ZNF362: variants seen among roughly 807,000 people sequenced by gnomAD.
The protein encoded by ZNF362 is zinc finger protein 362.
ZNF362 carries 11 observed loss-of-function variants against 42.9 expected under a neutral mutation model. That is an observed-to-expected ratio of 0.26 (90% CI 0.16 to 0.42). ZNF362 has a LOEUF of 0.42. Among genes scored for constraint, ZNF362 ranks in the 20% least tolerant of loss-of-function variants. The probability of loss-of-function intolerance (pLI) is 1.00; values close to 1 mark genes in which losing one functional copy is unlikely to be tolerated. For missense variants in ZNF362, 362 were observed against 576.2 expected (o/e 0.63, Z 3.81); for synonymous variants, 255 against 257.3 (o/e 0.99, Z 0.09).
intron 8 of ZNF362, 30 bp downstream of exon 8, chr1:33,295,335 C>G (rs368956786): frequency 5.6e-6 from 9 of 1,605,558 alleles, no homozygotes; most frequent in East Asian, 2.2e-5. Flanking sequence ...TGCCCTGCCC[C>G]GGGGGAGCCA....
At chr1:33,236,474 C>T in the ZNF362 span, among the ~76,000 whole-genome samples, 8 of 135,692 alleles carry the variant, frequency 5.9e-5, no homozygotes, top group Admixed American at 2.3e-4. Flanking sequence ...TGCTTGAACC[C>T]GGGAGTTCAA....
chr1:33,196,912 T>A, the ZNF362 span, among the ~76,000 whole-genome samples: 1 of 152,182 alleles, frequency 6.6e-6, no homozygotes, highest in African/African-American at 2.4e-5. Flanking sequence ...TTTCTGGGTG[T>A]GCCTGTGAGT....
the ZNF362 span, chr1:33,147,291 G>A: frequency 1.9e-6 from 3 of 1,614,068 alleles, no homozygotes; most frequent in African/African-American, 2.7e-5. The surrounding 1 kb of genome is among the most constrained non-coding windows in gnomAD (Gnocchi z 8.1). Context: ...GGAAGGTGTA[G>A]AGCCAGGACA....
In ZNF362 at chr1:33,294,969, C is replaced by T; in HGVS notation, c.941C>T (p.Pro314Leu). The T allele has an allele frequency of 6.2e-7, 1 of 1,614,132 alleles. No individual in the cohort carries two copies. The highest frequency in any genetic ancestry group is 1.1e-5 in the South Asian group (1 of 91,078). ...IHTGDRPYKCPHPGCEKAFTQ... is the reference protein window; with the variant it reads ...IHTGDRPYKCLHPGCEKAFTQ... ...ACAGGCGACAGACCCTACAAGTGCC[C>T]ACATCCTGGCTGCGAGAAGGCTTTC... Residue 314 changes from proline to leucine, a missense_variant, in exon 7 of 9, where the codon CCA (proline) becomes CTA (leucine). This residue lies in a region of ZNF362 where 28 missense variants were observed against 103.4 expected (regional missense o/e 0.27). Transcript: ENST00000539719. This position sits in a 1 kb window ranked among gnomAD's most constrained non-coding sequence, Gnocchi z 4.2.
chr1:33,243,098 C>T, the ZNF362 span, among the ~76,000 whole-genome samples: 1 of 142,424 alleles, frequency 7.0e-6, no homozygotes, highest in Non-Finnish European at 1.5e-5. Flanking sequence ...ACCAAATCAC[C>T]ACAACTGTTA....
At chr1:33,136,182 C>T in the ZNF362 span, among the ~76,000 whole-genome samples, 1 of 149,260 alleles carries the variant, frequency 6.7e-6, no homozygotes, top group African/African-American at 2.5e-5. Flanking sequence ...TTCCCTCCCT[C>T]TCTCCCTCCC....
chr1:33,131,957 C>T, the ZNF362 span, among the ~76,000 whole-genome samples: 3 of 152,192 alleles, frequency 2.0e-5, 1 homozygote, highest in Admixed American at 2.0e-4. Context: ...TTGCAAGGGC[C>T]TTCTGAATCA....
chr1:33,157,771 T>G, the ZNF362 span, among the ~76,000 whole-genome samples: 4 of 152,000 alleles, frequency 2.6e-5, no homozygotes, highest in African/African-American at 7.3e-5. Context: ...CTTCCTTTTT[T>G]TCCGAGATGG....
At chr1:33,243,893 T>C in the ZNF362 span, among the ~76,000 whole-genome samples, 1 of 151,866 alleles carries the variant, frequency 6.6e-6, no homozygotes, top group African/African-American at 2.4e-5. Flanking sequence ...ATTACAGGCG[T>C]GAGCTACTGT....
At chr1:33,255,755 A>C (rs554210911), upstream of ZNF362, among the ~76,000 whole-genome samples, 69 of 151,164 alleles carry the variant, frequency 4.6e-4, no homozygotes, top group African/African-American at 1.5e-3. Flanking sequence ...TCTACTCCCC[A>C]CCCCTATGTC....
At chr1:33,168,680 G>T in the ZNF362 span, among the ~76,000 whole-genome samples, 1 of 152,222 alleles carries the variant, frequency 6.6e-6, no homozygotes, top group African/African-American at 2.4e-5. Flanking sequence ...CAGCTTGAGC[G>T]GATACAGTCC....
chr1:33,195,849 A>T, the ZNF362 span: 2 of 152,122 alleles, frequency 1.3e-5, no homozygotes, highest in African/African-American at 4.8e-5. Flanking sequence ...CTAAATTTAT[A>T]AAAAAATTTT....
chr1:33,262,631 G>T (rs936537022), intron 1 of ZNF362, among the ~76,000 whole-genome samples: 4 of 152,186 alleles, frequency 2.6e-5, no homozygotes, highest in African/African-American at 9.7e-5. Flanking sequence ...TGAGGGGACA[G>T]TCTAGGCAGC....
chr1:33,249,221 C>T, the ZNF362 span, among the ~76,000 whole-genome samples: 487 of 152,246 alleles, frequency 3.2e-3, 17 homozygotes, highest in East Asian at 0.083. Flanking sequence ...TTGGGGAGCA[C>T]ATTCTGAGAG....
At chr1:33,257,320 GA>G (rs55688188) in intron 1 of ZNF362, among the ~76,000 whole-genome samples, 5,322 of 141,668 alleles carry the variant, frequency 0.038, 110 homozygotes, top group African/African-American at 0.064. Flanking sequence ...GCACTTTAAA[GA>G]AAAAAAAAAA....
At chr1:33,166,868 A>G in the ZNF362 span, among the ~76,000 whole-genome samples, 2 of 152,194 alleles carry the variant, frequency 1.3e-5, no homozygotes, top group African/African-American at 2.4e-5. Context: ...CTTGTTTGAA[A>G]TGTTGAATTT....
At chr1:33,256,982 C>A (rs60163719) in intron 1 of ZNF362, among the ~76,000 whole-genome samples, 1 of 152,042 alleles carries the variant, frequency 6.6e-6, no homozygotes, top group Non-Finnish European at 1.5e-5. Context: ...TGCTGCAATT[C>A]TCCGGTAAAC....
At chr1:33,202,639 T>C in the ZNF362 span, among the ~76,000 whole-genome samples, 1 of 150,598 alleles carries the variant, frequency 6.6e-6, no homozygotes. Flanking sequence ...AAGGATACTA[T>C]GCCTCGGGAA....
At chr1:33,259,215 C>G (rs924411728) in intron 1 of ZNF362, among the ~76,000 whole-genome samples, 1 of 152,326 alleles carries the variant, frequency 6.6e-6, no homozygotes, top group Non-Finnish European at 1.5e-5. Context: ...GCCCCTCTAC[C>G]CATTGCCAGG....
Sources: gnomAD v4.1 joint callset for allele counts (sites outside exome capture counted in the v4.1 genomes callset) on GRCh38, gnomAD v4.1.1 for gene constraint, gnomAD v4.1.1 regional missense constraint, Gnocchi (gnomAD v3.1) non-coding constraint, MANE v1.5 for transcripts, NCBI Gene and HGNC (gene_info 2026-07-23, HGNC 2026-07-21) for gene names.